The following YAF2 variants were observed in gnomAD, a reference collection of about 807,000 sequenced individuals.
YAF2 encodes the protein YY1 associated factor 2.
Under a neutral mutation model 20.1 loss-of-function variants are expected in YAF2, and 7 were observed. The ratio of observed to expected loss-of-function variants is 0.35; its 90% confidence interval spans 0.20 to 0.65. YAF2 has a LOEUF of 0.65. Among genes scored for constraint, YAF2 ranks in the 30% least tolerant of loss-of-function variants. YAF2 has a pLI of 0.69. For synonymous variants in YAF2, 74 were observed against 76.0 expected (o/e 0.97, Z 0.14); for missense variants, 151 against 219.2 (o/e 0.69, Z 1.96).
intron 2 of YAF2, among the ~76,000 whole-genome samples, chr12:42,200,869 T>A (rs998479674): frequency 3.3e-5 from 5 of 152,200 alleles, no homozygotes; most frequent in Non-Finnish European, 7.3e-5. Context: ...GGCTCTGCTA[T>A]TTACTAGCTA....
intron 2 of YAF2, chr12:42,235,879 G>A: frequency 6.5e-7 from 1 of 1,536,060 alleles, no homozygotes; most frequent in East Asian, 2.4e-5. Flanking sequence ...CCAGGTGCCA[G>A]GTATTCAGCC....
intron 2 of YAF2, among the ~76,000 whole-genome samples, chr12:42,200,212 T>A (rs2066861685): frequency 6.6e-6 from 1 of 152,228 alleles, no homozygotes; most frequent in Non-Finnish European, 1.5e-5. Context: ...CACTGCCTGC[T>A]TCCCGTGCTC....
At chr12:42,227,308 C>G (rs9668208) in intron 2 of YAF2, among the ~76,000 whole-genome samples, 2,273 of 39,444 alleles carry the variant, frequency 0.058, 332 homozygotes, top group East Asian at 0.22. Context: ...CCATCGTCTG[C>G]GACGTGAGGA....
At chr12:42,207,165 G>A (rs377146602) in intron 2 of YAF2, among the ~76,000 whole-genome samples, 4 of 152,222 alleles carry the variant, frequency 2.6e-5, no homozygotes, top group Middle Eastern at 3.4e-3. Flanking sequence ...GAACAGAATC[G>A]TACAAAGACA....
chr12:42,212,323 T>C (rs2067236081), intron 2 of YAF2: 1 of 221,998 alleles, frequency 4.5e-6, no homozygotes, highest in Non-Finnish European at 9.2e-6. Flanking sequence ...CAATATATAT[T>C]CATCATATTC....
At chr12:42,204,938 C>G (rs1055440715) in intron 2 of YAF2, among the ~76,000 whole-genome samples, 4 of 151,840 alleles carry the variant, frequency 2.6e-5, no homozygotes, top group African/African-American at 9.7e-5. Context: ...TGAAAATGTT[C>G]TAAAAATGAC....
At chr12:42,178,861 CAT>C (rs1198786534) in intron 2 of YAF2, among the ~76,000 whole-genome samples, 3 of 151,976 alleles carry the variant, frequency 2.0e-5, no homozygotes, top group Non-Finnish European at 4.4e-5. Context: ...ACCCTGGCGA[CAT>C]ATTGGAATCA....
At chr12:42,185,408 TAAAG>T (rs2066447217) in intron 2 of YAF2, among the ~76,000 whole-genome samples, 1 of 152,182 alleles carries the variant, frequency 6.6e-6, no homozygotes, top group Admixed American at 6.5e-5. Context: ...ACTTAATTGA[TAAAG>T]AAGCAACAGG....
At chr12:42,174,207 T>C (rs915471094) in intron 2 of YAF2, among the ~76,000 whole-genome samples, 3 of 152,130 alleles carry the variant, frequency 2.0e-5, no homozygotes, top group African/African-American at 7.2e-5. Flanking sequence ...ACTCACTCTA[T>C]ACTTTTCCCA....
intron 2 of YAF2, chr12:42,210,527 T>G (rs1355072493): frequency 1.3e-6 from 2 of 1,536,004 alleles, no homozygotes; most frequent in Non-Finnish European, 1.7e-6. Context: ...GCTAGAGACA[T>G]GCTTCAGTGC....
chr12:42,165,898 ATCTATCTG>A (rs1304984413), intron 2 of YAF2, among the ~76,000 whole-genome samples: 6 of 145,870 alleles, frequency 4.1e-5, no homozygotes, highest in African/African-American at 1.0e-4. Context: ...CTATCTATCT[ATCTATCTG>A]TCTATATCTA....
chr12:42,222,653 T>A (rs1003213423), intron 2 of YAF2, among the ~76,000 whole-genome samples: 1 of 152,202 alleles, frequency 6.6e-6, no homozygotes, highest in African/African-American at 2.4e-5. Context: ...ACTTTGTAAA[T>A]AAAATAATTT....
intron 2 of YAF2, among the ~76,000 whole-genome samples, chr12:42,174,705 G>A (rs1217062390): frequency 6.6e-6 from 1 of 152,028 alleles, no homozygotes; most frequent in Admixed American, 6.5e-5. Flanking sequence ...TTCAGTCCTC[G>A]GTTTTAAGTA....
intron 2 of YAF2, among the ~76,000 whole-genome samples, chr12:42,228,694 C>T (rs1592059611): frequency 2.1e-5 from 2 of 96,522 alleles, no homozygotes; most frequent in Non-Finnish European, 4.2e-5. Context: ...CCAGCCGCCC[C>T]GTCCGGGAGG....
chr12:42,208,377 T>G (rs143579700), intron 2 of YAF2, among the ~76,000 whole-genome samples: 1,602 of 151,780 alleles, frequency 0.011, 29 homozygotes, highest in African/African-American at 0.037. Flanking sequence ...AGTGAACGGA[T>G]ATCATGCCAC....
chr12:42,203,872 G>C (rs2066966843), intron 2 of YAF2, among the ~76,000 whole-genome samples: 1 of 152,112 alleles, frequency 6.6e-6, no homozygotes, highest in South Asian at 2.1e-4. Context: ...GCATAAGATT[G>C]GGATTAGCTG....
chr12:42,209,408 A>T (rs1156876510), intron 2 of YAF2, among the ~76,000 whole-genome samples: 2 of 151,814 alleles, frequency 1.3e-5, no homozygotes, highest in Admixed American at 1.3e-4. Flanking sequence ...TATAAAAAAT[A>T]AAAAAATTAG....
intron 2 of YAF2, among the ~76,000 whole-genome samples, chr12:42,170,640 T>C (rs1465002855): frequency 1.3e-5 from 2 of 152,048 alleles, no homozygotes; most frequent in Non-Finnish European, 2.9e-5. Flanking sequence ...TGAAACCCTG[T>C]CTCTACTAAA....
intron 2 of YAF2, chr12:42,233,534 C>CCTTGTCTCAA: frequency 1.1e-6 from 1 of 945,404 alleles, no homozygotes; most frequent in Non-Finnish European, 1.3e-6. Context: ...TTTTTTGAGA[C>CCTTGTCTCAA]AAGGTCTCAC....
Sources: gnomAD v4.1 joint callset for allele counts (sites outside exome capture counted in the v4.1 genomes callset) on GRCh38, gnomAD v4.1.1 for gene constraint, MANE v1.5 for transcripts, NCBI Gene and HGNC (gene_info 2026-07-23, HGNC 2026-07-21) for gene names.